The following CCDC50 variants were observed in gnomAD, a reference collection of about 807,000 sequenced individuals.
CCDC50 encodes coiled-coil domain containing 50.
CCDC50 carries 54 observed loss-of-function variants against 70.2 expected under a neutral mutation model. That is an observed-to-expected ratio of 0.77 (90% CI 0.62 to 0.96). The LOEUF (loss-of-function observed/expected upper bound fraction) is 0.96, where lower values mean the gene tolerates loss of function less well. CCDC50 is among the 50% of genes least tolerant of loss of function. The pLI, the probability that CCDC50 is intolerant of heterozygous loss-of-function variation, is 0.00. For missense variants in CCDC50, 558 were observed against 578.7 expected (o/e 0.96, Z 0.37); for synonymous variants, 216 against 198.8 (o/e 1.09, Z -0.73).
chr3:191,349,383 CAT>C (rs1712030806), intron 1 of CCDC50, among the ~76,000 whole-genome samples: 1 of 142,148 alleles, frequency 7.0e-6, no homozygotes, highest in Non-Finnish European at 1.6e-5. Context: ...ATCTTAGACA[CAT>C]GAGTCTAAAA....
At position 191,389,853 on chromosome 3, in the gene CCDC50, C is replaced by CTTTTTTTTTT. The variant is rs10635756; in HGVS notation, c.1429+267_1429+276dup. ...GAGCACAACGCTTTCATCAAATTCA[C>CTTTTTTTTTT]TTTTTTTTTTTTTTTTTTTTTTTTT... On this transcript the variant is annotated intron_variant, in intron 11 of 11. Transcript: ENST00000392455. 7.1e-5 allele frequency among the ~76,000 whole-genome samples: 6 copies of CTTTTTTTTTT among 84,658 alleles called. 1 individual carries two copies. The highest frequency in any genetic ancestry group is 8.4e-5 in the Non-Finnish European group (4 of 47,446). The allele number at this position is 84,658 out of a possible 152,430, so 55.5% of individuals were successfully genotyped here. A position where few individuals can be genotyped will look rare whatever the true frequency, so the allele number is the denominator to read the frequency against.
Position 191,335,834 on chromosome 3 carries a change from G to T in CCDC50, c.49+6111G>T, listed in dbSNP as rs965489688. ...CAATAAAAATTCCTTCCTTTTTAGT[G>T]TGTAGTTCTGAGTTTTGACAAATGT... is the stretch of plus-strand genomic sequence containing the variant. On this transcript the variant is annotated intron_variant, in intron 1 of 11. Transcript: ENST00000392455. 2.6e-5 allele frequency among the ~76,000 whole-genome samples: 4 copies of T among 152,080 alleles called. No homozygotes were observed. In the East Asian group the frequency reaches 7.7e-4, roughly 29 times the overall value.
At chr3:191,364,835 C>T (rs954103880) in intron 4 of CCDC50, among the ~76,000 whole-genome samples, 1 of 151,898 alleles carries the variant, frequency 6.6e-6, no homozygotes, top group Non-Finnish European at 1.5e-5. Context: ...CCCTTCATTC[C>T]TCTTCTTCAC....
At chr3:191,364,265 C>T (rs1449890404) in intron 4 of CCDC50, among the ~76,000 whole-genome samples, 2 of 151,822 alleles carry the variant, frequency 1.3e-5, no homozygotes, top group Non-Finnish European at 2.9e-5. Context: ...GACAGGGTTT[C>T]GTCATGTTGG....
In CCDC50 at chr3:191,353,410, G is replaced by A. The variant is rs557387437; in HGVS notation, c.50-3678G>A. On this transcript the variant is annotated intron_variant, in intron 1 of 11. Coordinates refer to ENST00000392455, the MANE Select transcript of CCDC50 (RefSeq NM_178335.3). ...GGGAGGCAAAAAGTTTGAGAAATGGGAGGGTGAAAGGTGGTTCACCTTAAA... is the reference window on the plus strand; with the variant it reads ...GGGAGGCAAAAAGTTTGAGAAATGGAAGGGTGAAAGGTGGTTCACCTTAAA... Among the ~76,000 whole-genome samples, 16 of 142,012 alleles carry A rather than the reference G, an allele frequency of 1.1e-4. 1 individual carries two copies. The highest frequency in any genetic ancestry group is 4.0e-4 in the African/African-American group (16 of 39,914). The allele number at this position is 142,012 out of a possible 152,430, so 93.2% of individuals were successfully genotyped here.
intron 4 of CCDC50, among the ~76,000 whole-genome samples, chr3:191,366,192 T>C (rs894353057): frequency 6.6e-6 from 1 of 152,200 alleles, no homozygotes; most frequent in Non-Finnish European, 1.5e-5. Flanking sequence ...AGAACGTTAA[T>C]GATATTTATC....
intron 5 of CCDC50, among the ~76,000 whole-genome samples, chr3:191,371,632 A>G (rs558115372): frequency 5.3e-5 from 8 of 152,286 alleles, no homozygotes; most frequent in Admixed American, 3.9e-4. Flanking sequence ...TTTGAGTATA[A>G]TTTTGCCCAG....
chr3:191,340,438 A>C (rs533376945), intron 1 of CCDC50, among the ~76,000 whole-genome samples: 1 of 152,344 alleles, frequency 6.6e-6, no homozygotes, highest in East Asian at 1.9e-4. Flanking sequence ...AGAATTAGGA[A>C]ACTACATTTA....
At chr3:191,387,809 C>T (rs1253118131) in intron 10 of CCDC50, among the ~76,000 whole-genome samples, 2 of 152,106 alleles carry the variant, frequency 1.3e-5, no homozygotes, top group South Asian at 4.1e-4. Context: ...GTGAGTTCCA[C>T]TCAACGTCTG....
At chr3:191,346,159 T>C (rs1159324704) in intron 1 of CCDC50, among the ~76,000 whole-genome samples, 1 of 152,180 alleles carries the variant, frequency 6.6e-6, no homozygotes, top group Non-Finnish European at 1.5e-5. Flanking sequence ...CATTATAAAA[T>C]AAATCAATAA....
intron 2 of CCDC50, 98 bp downstream of exon 2, chr3:191,357,248 A>G: frequency 4.4e-6 from 4 of 905,520 alleles, no homozygotes; most frequent in South Asian, 1.4e-5. Context: ...GAGCACAGTC[A>G]CTTGGCTTCA....
In CCDC50 at chr3:191,394,152, C is replaced by G. The variant is rs116667213; in HGVS notation, c.*2392C>G. On this transcript the variant is annotated 3_prime_UTR_variant, in exon 12 of 12. Coordinates refer to ENST00000392455, the MANE Select transcript of CCDC50 (RefSeq NM_178335.3). ...CAAGTAAGCTATCACCTTGTGATAG[C>G]TAATTCAACATCTTTATTGAAAATT... 3.3e-3 allele frequency: 506 copies of G among 152,172 alleles called. 4 individuals are homozygous for G. Among genetic ancestry groups the G allele is most frequent in the African/African-American group, 0.012 (484 of 41,528 alleles). 9.4% of individuals were successfully genotyped at this position (152,172 alleles called of 1,614,324 possible). A position where few individuals can be genotyped will look rare whatever the true frequency, so the allele number is the denominator to read the frequency against.
Position 191,396,588 on chromosome 3 carries a change from A to G in CCDC50, c.*4828A>G, listed in dbSNP as rs1161447904. The G allele has an allele frequency of 6.6e-6, 1 of 152,212 alleles. No homozygotes were observed. The highest frequency in any genetic ancestry group is 1.5e-5 in the Non-Finnish European group (1 of 68,024). 9.4% of individuals were successfully genotyped at this position (152,212 alleles called of 1,614,324 possible). ...AAAGGTTCTGTTATGCAGTGAAGAC[A>G]TTCAGATTATTTGTAAGAATTTCAC... On this transcript the variant is annotated 3_prime_UTR_variant, in exon 12 of 12. Transcript: ENST00000392455.
intron 3 of CCDC50, 103 bp downstream of exon 3, chr3:191,358,227 C>T (rs1560161960): frequency 1.4e-5 from 19 of 1,378,948 alleles, no homozygotes; most frequent in Non-Finnish European, 1.8e-5. Context: ...CCTCTGATTC[C>T]TTCTACTGTT....
At chr3:191,329,933 G>A (rs1349193827) in intron 1 of CCDC50, among the ~76,000 whole-genome samples, 3 of 78,698 alleles carry the variant, frequency 3.8e-5, no homozygotes, top group African/African-American at 2.6e-4. Flanking sequence ...TTTTTCTCAA[G>A]GGGGTGGTTG....
chr3:191,352,374 T>G (rs1403162602), intron 1 of CCDC50, among the ~76,000 whole-genome samples: 1 of 141,948 alleles, frequency 7.0e-6, no homozygotes, highest in Non-Finnish European at 1.6e-5. Flanking sequence ...TGTATGTATT[T>G]ATGTATGTCA....
chr3:191,335,153 A>G (rs970604550), intron 1 of CCDC50, among the ~76,000 whole-genome samples: 1 of 152,214 alleles, frequency 6.6e-6, no homozygotes, highest in Non-Finnish European at 1.5e-5. Flanking sequence ...CCTCAGTGAC[A>G]AAAAACATGT....
intron 9 of CCDC50, 82 bp from the exon 10 acceptor site, chr3:191,382,664 A>G (rs2058389207): frequency 3.3e-6 from 3 of 897,344 alleles, no homozygotes; most frequent in Non-Finnish European, 5.6e-6. Flanking sequence ...CATACGTTAA[A>G]CTTAATCTTT....
At chr3:191,391,613 C>T (rs988060823) in intron 11 of CCDC50, 128 bp from the exon 12 acceptor site, 8 of 829,192 alleles carry the variant, frequency 9.6e-6, no homozygotes, top group South Asian at 1.5e-5. Context: ...ATATATGTCA[C>T]AATCAAGAAT....
Sources: allele counts gnomAD v4.1 joint callset (sites outside exome capture counted in the v4.1 genomes callset), GRCh38; gene constraint gnomAD v4.1.1; transcripts MANE v1.5; gene names NCBI Gene and HGNC (gene_info 2026-07-23, HGNC 2026-07-21).